SNX27: variants seen among roughly 807,000 people sequenced by gnomAD.
SNX27 encodes sorting nexin-27.
SNX27 carries 22 observed loss-of-function variants against 71.6 expected under a neutral mutation model. That is an observed-to-expected ratio of 0.31 (90% CI 0.22 to 0.44). The LOEUF is 0.44. Ranked by LOEUF, SNX27 falls within the 20% of genes least tolerant of loss-of-function variation. The pLI, the probability that SNX27 is intolerant of heterozygous loss-of-function variation, is 1.00. For missense variants in SNX27, 531 were observed against 698.6 expected, an observed-to-expected ratio of 0.76 and a Z score of 2.70; for synonymous variants, 269 against 277.2, an observed-to-expected ratio of 0.97 and a Z score of 0.29.
chr1:151,622,850 G>T (rs909869037), intron 1 of SNX27, among the ~76,000 whole-genome samples: 2 of 152,114 alleles, frequency 1.3e-5, no homozygotes, highest in Admixed American at 1.3e-4. Context: ...GTGTAGTGGT[G>T]CGATCACAGC....
chr1:151,696,657 T>C lies in SNX27; in HGVS notation c.*2240T>C, dbSNP rs1336252243. On this transcript the variant is annotated 3_prime_UTR_variant, in exon 12 of 12. Coordinates refer to ENST00000458013, the MANE Select transcript of SNX27 (RefSeq NM_001330723.2). ...CCTTCCTTCCTTTTTTTCTGTTTTT[T>C]TTTTTTTTTTTTCCCAGAGTCTTGC... The C allele has an allele frequency of 4.6e-5, 3 of 65,480 alleles. No individual in the cohort carries two copies. Among genetic ancestry groups the C allele is most frequent in the Non-Finnish European group, 8.7e-5 (3 of 34,324 alleles). 4.1% of individuals were successfully genotyped at this position (65,480 alleles called of 1,614,324 possible).
Position 151,665,924 on chromosome 1 carries a change from T to G in SNX27, c.907-9T>G. ...TTTCTTGAAACCAATCTATCCTGTT[T>G]AACCTTAGGCTATCGCAGCAAAGGT... On this transcript the variant is annotated splice_polypyrimidine_tract_variant and intron_variant, in intron 5 of 11. Coordinates refer to ENST00000458013, the MANE Select transcript of SNX27 (RefSeq NM_001330723.2). 2 of 1,595,304 alleles carry G rather than the reference T, an allele frequency of 1.3e-6. No individual in the cohort carries two copies.
At chr1:151,618,228 G>A (rs1382502221) in intron 1 of SNX27, among the ~76,000 whole-genome samples, 2 of 152,036 alleles carry the variant, frequency 1.3e-5, no homozygotes, top group African/African-American at 2.4e-5. Flanking sequence ...ATTGTGAAAT[G>A]TAACTATTTT....
intron 2 of SNX27, among the ~76,000 whole-genome samples, chr1:151,652,886 A>G (rs149668683): frequency 9.3e-5 from 14 of 150,118 alleles, no homozygotes; most frequent in African/African-American, 3.4e-4. Flanking sequence ...CATCTGGGTC[A>G]TCTCTGAGAC....
At position 151,660,590 on chromosome 1, in the gene SNX27, A is replaced by G. The variant is rs1195999650; in HGVS notation, c.737-208A>G. 3.4e-5 allele frequency: 17 copies of G among 498,430 alleles called. No homozygotes were observed. In the East Asian group the frequency reaches 3.5e-4, roughly 10 times the overall value. 30.9% of individuals were successfully genotyped at this position (498,430 alleles called of 1,614,324 possible). ...AGCAAGCTACATCTTTGTATTTTCT[A>G]TTATTTCTTTGTTCTGATCATATTT... On this transcript the variant is annotated intron_variant, in intron 3 of 11. Coordinates refer to ENST00000458013, the MANE Select transcript of SNX27 (RefSeq NM_001330723.2).
chr1:151,663,152 A>ATT (rs1280028273), intron 5 of SNX27, among the ~76,000 whole-genome samples: 5 of 140,442 alleles, frequency 3.6e-5, no homozygotes, highest in Non-Finnish European at 6.3e-5. Flanking sequence ...ATCACATTTG[A>ATT]TTTTTTTTTT....
At chr1:151,673,410 T>A (rs928196799) in intron 7 of SNX27, among the ~76,000 whole-genome samples, 1 of 152,166 alleles carries the variant, frequency 6.6e-6, no homozygotes, top group Non-Finnish European at 1.5e-5. Context: ...CTCCATTTTT[T>A]AAAAACGTTT....
At chr1:151,688,359 C>T (rs1003539438) in intron 8 of SNX27, among the ~76,000 whole-genome samples, 16 of 152,070 alleles carry the variant, frequency 1.1e-4, no homozygotes, top group African/African-American at 3.6e-4. Flanking sequence ...TTCAGCGAGG[C>T]GCGGTGGCTT....
At chr1:151,635,702 A>T (rs1045177542) in intron 1 of SNX27, among the ~76,000 whole-genome samples, 9 of 152,140 alleles carry the variant, frequency 5.9e-5, no homozygotes, top group African/African-American at 2.2e-4. Flanking sequence ...TAAGTCATGG[A>T]ATGTATAGCA....
rs776237861 is a variant in SNX27, at chr1:151,662,212, A to G, written c.848A>G (p.Asp283Gly). Residue 283 changes from aspartate (D) to glycine (G), a missense_variant, in exon 5 of 12, where the codon GAT becomes GGT. By Grantham distance (94) the Asp-to-Gly change is moderately conservative (BLOSUM62 -1). This residue lies in a region of SNX27 where 184 missense variants were observed against 289.6 expected (regional missense o/e 0.64). Transcript: ENST00000458013. ...SDVELRVALP[D>G]GTTVTVRVKK... ...GTAGAGCTGAGAGTAGCATTACCAG[A>G]TGGAACAACGGTTACAGTCAGGGTT... The G allele has an allele frequency of 1.7e-5, 28 of 1,613,702 alleles. No homozygotes were observed. In the Admixed American group the frequency reaches 4.0e-4, roughly 23 times the overall value.
intron 1 of SNX27, among the ~76,000 whole-genome samples, chr1:151,619,113 G>C (rs1667559606): frequency 6.6e-6 from 1 of 152,094 alleles, no homozygotes; most frequent in African/African-American, 2.4e-5. Flanking sequence ...AGCCGAGGTG[G>C]GCGGATCACT....
At chr1:151,693,305 C>G (rs1421130950) in intron 10 of SNX27, 119 bp from the exon 11 acceptor site, 2 of 1,093,918 alleles carry the variant, frequency 1.8e-6, no homozygotes, top group Admixed American at 1.9e-5. Context: ...TGGTACTTGT[C>G]AGGGTTTTTC....
intron 1 of SNX27, among the ~76,000 whole-genome samples, chr1:151,620,353 C>T (rs1015428739): frequency 2.0e-5 from 3 of 152,016 alleles, no homozygotes; most frequent in Non-Finnish European, 4.4e-5. Flanking sequence ...ATAACTTTTC[C>T]AAGGCGAAAG....
chr1:151,639,202 A>G, intron 2 of SNX27, 83 bp downstream of exon 2: 2 of 1,258,784 alleles, frequency 1.6e-6, no homozygotes, highest in Non-Finnish European at 2.2e-6. Flanking sequence ...ATAGTGGTAG[A>G]TAAAAGGCTG....
chr1:151,652,679 G>A (rs963892125), intron 2 of SNX27, among the ~76,000 whole-genome samples: 1 of 151,980 alleles, frequency 6.6e-6, no homozygotes, highest in African/African-American at 2.4e-5. Flanking sequence ...CCAAAGTGCT[G>A]GAATTACAGG....
At position 151,662,254 on chromosome 1, in the gene SNX27, C is replaced by A; in HGVS notation, c.890C>A (p.Thr297Lys). ...GTCAGGGTTAAAAAGAACAGTACTA[C>A]AGACCAAGTATATCAGGTAAATTAA... ...VTVRVKKNST[T>K]DQVYQAIAAK... Residue 297 changes from threonine (T) to lysine (K), a missense_variant, in exon 5 of 12, where the codon ACA becomes AAA. Physicochemically the swap from Thr to Lys is moderately conservative, Grantham distance 78. Coordinates refer to ENST00000458013, the MANE Select transcript of SNX27 (RefSeq NM_001330723.2). 6.2e-7 allele frequency: 1 copy of A among 1,609,294 alleles called. No homozygotes were observed. The highest frequency in any genetic ancestry group is 8.5e-7 in the Non-Finnish European group (1 of 1,175,878).
At chr1:151,623,153 T>TA (rs1667752548) in intron 1 of SNX27, among the ~76,000 whole-genome samples, 49 of 149,922 alleles carry the variant, frequency 3.3e-4, no homozygotes, top group African/African-American at 5.4e-4. Flanking sequence ...ATATATATAT[T>TA]TTTTTTTTGA....
In SNX27 at chr1:151,660,875, C is replaced by G; in HGVS notation, c.801+13C>G. ...AGAATCCGATGAGGTAGGTGAATAT[C>G]TCTTTTAGTGATTATTTTCCTTTTG... is the stretch of plus-strand genomic sequence containing the variant. On this transcript the variant is annotated intron_variant, in intron 4 of 11. Coordinates refer to ENST00000458013, the MANE Select transcript of SNX27 (RefSeq NM_001330723.2). 1 of 1,593,020 alleles carries G rather than the reference C, an allele frequency of 6.3e-7. No homozygotes were observed. Among genetic ancestry groups the G allele is most frequent in the Non-Finnish European group, 8.6e-7 (1 of 1,160,954 alleles).
At chr1:151,679,346 G>A in intron 7 of SNX27, 4 of 152,256 alleles carry the variant, frequency 2.6e-5, no homozygotes, top group Middle Eastern at 6.8e-3. Flanking sequence ...GTTGCTAATG[G>A]TAATAATGAA....
Sources: gnomAD v4.1 joint callset for allele counts (sites outside exome capture counted in the v4.1 genomes callset) on GRCh38, gnomAD v4.1.1 for gene constraint, gnomAD v4.1.1 regional missense constraint, MANE v1.5 for transcripts, NCBI Gene and HGNC (gene_info 2026-07-23, HGNC 2026-07-21) for gene names.